BCAS3: variants seen among roughly 807,000 people sequenced by gnomAD.
BCAS3 encodes BCAS3 microtubule associated cell migration factor.
In BCAS3, 53 loss-of-function variants were observed where a neutral mutation model predicts 116.1. That is an observed-to-expected ratio of 0.46 (90% CI 0.37 to 0.57). The LOEUF is 0.57. Ranked by LOEUF, BCAS3 falls within the 20% of genes least tolerant of loss-of-function variation. The pLI is 0.00. For missense variants in BCAS3, 917 were observed against 1,165.4 expected (o/e 0.79, Z 3.10); for synonymous variants, 391 against 408.2 (o/e 0.96, Z 0.51).
chr17:61,333,659 C>G lies in BCAS3; in HGVS notation c.2426-34668C>G, dbSNP rs1340846175. ...TTTTTGAGACAGAGTCTCGCTCTGTCGCCTAGGCTGGAGTGCAGTGGTGCG... is the reference window on the plus strand; with the variant it reads ...TTTTTGAGACAGAGTCTCGCTCTGTGGCCTAGGCTGGAGTGCAGTGGTGCG... On this transcript the variant is annotated intron_variant, in intron 22 of 23. Coordinates refer to ENST00000407086, the MANE Select transcript of BCAS3 (RefSeq NM_017679.5). This position sits in a 1 kb window ranked among gnomAD's most constrained non-coding sequence, Gnocchi z 4.8. Among the ~76,000 whole-genome samples, 1 of 147,936 alleles carries G rather than the reference C, an allele frequency of 6.8e-6. No individual in the cohort carries two copies. Among genetic ancestry groups the G allele is most frequent in the Non-Finnish European group, 1.5e-5 (1 of 67,530 alleles).
intron 16 of BCAS3, among the ~76,000 whole-genome samples, chr17:61,018,485 A>C (rs2065638009): frequency 1.3e-5 from 2 of 151,652 alleles, no homozygotes; most frequent in African/African-American, 4.8e-5. Context: ...TATTTTTAGT[A>C]CAGACAGGGT....
In BCAS3 at chr17:61,017,981, C is replaced by A. The variant is rs538308655; in HGVS notation, c.1637+2080C>A. Among the ~76,000 whole-genome samples the A allele has an allele frequency of 1.3e-5, 2 of 152,210 alleles. No individual in the cohort carries two copies. The highest frequency in any genetic ancestry group is 4.1e-4 in the South Asian group (2 of 4,822). On this transcript the variant is annotated intron_variant, in intron 16 of 23. Transcript: ENST00000407086. This position sits in a 1 kb window ranked among gnomAD's most constrained non-coding sequence, Gnocchi z 4.7. ...GATTTTTGGAGCATGTATTCTGTTGCGTTATGAACAATTTATTAATAAGGG... is the reference window on the plus strand; with the variant it reads ...GATTTTTGGAGCATGTATTCTGTTGAGTTATGAACAATTTATTAATAAGGG...
Position 61,049,778 on chromosome 17 carries a change from G to A in BCAS3, c.2029+8886G>A, listed in dbSNP as rs1438420288. Among the ~76,000 whole-genome samples, 4 of 145,998 alleles carry A rather than the reference G, an allele frequency of 2.7e-5. No individual in the cohort carries two copies. The Admixed American group carries it at 2.8e-4, about 10-fold the overall frequency. On this transcript the variant is annotated intron_variant, in intron 19 of 23. Coordinates refer to ENST00000407086, the MANE Select transcript of BCAS3 (RefSeq NM_017679.5). ...ACGGAGTTTCACTCTTGTTGCCCAG[G>A]CTAGAGTGCAATGGCGTGATCTCAG...
chr17:60,734,903 A>G (rs1274983651), intron 5 of BCAS3, among the ~76,000 whole-genome samples: 3 of 152,226 alleles, frequency 2.0e-5, no homozygotes, highest in Non-Finnish European at 4.4e-5. Flanking sequence ...GAATGTATAC[A>G]TTAAGTTGGA....
At chr17:61,149,521 C>T (rs1446498767) in intron 22 of BCAS3, among the ~76,000 whole-genome samples, 1 of 152,008 alleles carries the variant, frequency 6.6e-6, no homozygotes, top group Non-Finnish European at 1.5e-5. Flanking sequence ...TGGTTCTTAG[C>T]ATTAATTTTA....
At chr17:60,950,375 C>T (rs779344201) in intron 14 of BCAS3, among the ~76,000 whole-genome samples, 2 of 152,014 alleles carry the variant, frequency 1.3e-5, no homozygotes, top group East Asian at 1.9e-4. Flanking sequence ...TTTGTTTGGA[C>T]CCTGATCTAA....
At position 61,219,606 on chromosome 17, in the gene BCAS3, T is replaced by C. The variant is rs2081995186; in HGVS notation, c.2425+135042T>C. On this transcript the variant is annotated intron_variant, in intron 22 of 23. Transcript: ENST00000407086. This position sits in a 1 kb window ranked among gnomAD's most constrained non-coding sequence, Gnocchi z 5.2. ...CTGTGCTATTTCAGCTTTCTGCTGC[T>C]GACAACATCAGAAGTGTTTTAACAG... Among the ~76,000 whole-genome samples the C allele has an allele frequency of 6.6e-6, 1 of 152,232 alleles. No homozygotes were observed. Among genetic ancestry groups the C allele is most frequent in the African/African-American group, 2.4e-5 (1 of 41,458 alleles).
chr17:60,963,806 C>T (rs971884836), intron 14 of BCAS3, among the ~76,000 whole-genome samples: 3 of 152,142 alleles, frequency 2.0e-5, no homozygotes, highest in African/African-American at 4.8e-5. Flanking sequence ...CCACCCGCCT[C>T]GGCCTCCCAA....
At chr17:61,108,400 G>T (rs1273275561) in intron 22 of BCAS3, among the ~76,000 whole-genome samples, 2 of 152,024 alleles carry the variant, frequency 1.3e-5, no homozygotes, top group African/African-American at 4.8e-5. Flanking sequence ...TTTAATTAGT[G>T]TTTGTAGACC....
intron 22 of BCAS3, among the ~76,000 whole-genome samples, chr17:61,116,245 A>AT (rs1555725308): frequency 3.2e-5 from 2 of 63,376 alleles, no homozygotes; most frequent in African/African-American, 9.2e-5. Flanking sequence ...GTATAATAAA[A>AT]AAATAAATAA....
Position 61,134,942 on chromosome 17 carries a change from ACAG to A in BCAS3, c.2425+50379_2425+50381del, listed in dbSNP as rs1309069895. Among the ~76,000 whole-genome samples the A allele has an allele frequency of 1.3e-5, 2 of 152,206 alleles. No homozygotes were observed. The highest frequency in any genetic ancestry group is 2.9e-5 in the Non-Finnish European group (2 of 68,036). On this transcript the variant is annotated intron_variant, in intron 22 of 23. Coordinates refer to ENST00000407086, the MANE Select transcript of BCAS3 (RefSeq NM_017679.5). The surrounding 1 kb of genome is among the most constrained non-coding windows in gnomAD (Gnocchi z 4.6). The stretch of plus-strand genomic sequence containing the variant: ...TTGTACAAGTCAGTAAAAGTGATAT[ACAG>A]TATTTCTTCAAAACTGGAATGTTAT...
chr17:61,273,872 G>A (rs1255741062), intron 22 of BCAS3, among the ~76,000 whole-genome samples: 1 of 147,604 alleles, frequency 6.8e-6, no homozygotes, highest in Non-Finnish European at 1.5e-5. Flanking sequence ...TAGAAGTTAT[G>A]TTTGGTTCTT....
intron 22 of BCAS3, among the ~76,000 whole-genome samples, chr17:61,266,087 C>T (rs1047975994): frequency 5.9e-5 from 9 of 152,186 alleles, no homozygotes; most frequent in African/African-American, 2.2e-4. Context: ...CCTGTCCTCA[C>T]GTTCATTAAA....
intron 23 of BCAS3, among the ~76,000 whole-genome samples, chr17:61,374,561 C>T (rs955913406): frequency 6.6e-6 from 1 of 152,194 alleles, no homozygotes; most frequent in Admixed American, 6.5e-5. Context: ...CGGCCCCGGG[C>T]TCACTGATTC....
rs1261171897 is a variant in BCAS3 at position 61,339,495 on chromosome 17, A to G, written c.2426-28832A>G. On this transcript the variant is annotated intron_variant, in intron 22 of 23. Transcript: ENST00000407086. This position sits in a 1 kb window ranked among gnomAD's most constrained non-coding sequence, Gnocchi z 4.4. ...TCTAAAGACTGAGGAGGCTGGAAAC[A>G]TTGGCTCAAGCCTGTAATCCCAGCA... Among the ~76,000 whole-genome samples the G allele has an allele frequency of 6.6e-6, 1 of 152,180 alleles. No individual in the cohort carries two copies. The highest frequency in any genetic ancestry group is 6.5e-5 in the Admixed American group (1 of 15,272).
intron 13 of BCAS3, among the ~76,000 whole-genome samples, chr17:60,944,338 A>G (rs957211630): frequency 1.8e-4 from 28 of 152,136 alleles, no homozygotes; most frequent in Admixed American, 6.5e-5. Flanking sequence ...AAAGTAATTC[A>G]TCAAAGAAGA....
At chr17:61,064,661 C>T (rs2070424984) in intron 19 of BCAS3, among the ~76,000 whole-genome samples, 1 of 152,142 alleles carries the variant, frequency 6.6e-6, no homozygotes, top group Non-Finnish European at 1.5e-5. Flanking sequence ...AGTTTATAGA[C>T]AGAGAAGATA....
At chr17:61,374,261 C>T (rs562884650) in intron 23 of BCAS3, among the ~76,000 whole-genome samples, 1 of 151,664 alleles carries the variant, frequency 6.6e-6, no homozygotes, top group East Asian at 1.9e-4. Context: ...ACCTCTGCCT[C>T]CAGGGTTCAA....
At chr17:60,686,722 C>T (rs1156956246) in intron 3 of BCAS3, among the ~76,000 whole-genome samples, 2 of 152,088 alleles carry the variant, frequency 1.3e-5, no homozygotes, top group Non-Finnish European at 2.9e-5. Flanking sequence ...AACGGGGTTT[C>T]ACCATGTTAG....
Sources: allele counts gnomAD v4.1 joint callset (sites outside exome capture counted in the v4.1 genomes callset), GRCh38; gene constraint gnomAD v4.1.1; non-coding constraint Gnocchi (gnomAD v3.1); transcripts MANE v1.5; gene names NCBI Gene and HGNC (gene_info 2026-07-23, HGNC 2026-07-21).